The following NSUN7 variants were observed in gnomAD, a reference collection of about 807,000 sequenced individuals.
NSUN7 encodes protein NSUN7.
NSUN7 carries 39 observed loss-of-function variants against 58.5 expected under a neutral mutation model. That is an observed-to-expected ratio of 0.67 (90% CI 0.52 to 0.87). NSUN7 has a LOEUF of 0.87. NSUN7 is among the 40% of genes least tolerant of loss of function. NSUN7 has a pLI of 0.00. For missense variants in NSUN7, 765 were observed against 844.1 expected (o/e 0.91, Z 1.16); for synonymous variants, 278 against 303.7 (o/e 0.92, Z 0.88).
Position 40,809,184 on chromosome 4 carries a change from A to G in NSUN7, c.*245A>G. 1 of 403,850 alleles carries G rather than the reference A, an allele frequency of 2.5e-6. No homozygotes were observed. The highest frequency in any genetic ancestry group is 5.6e-5 in the South Asian group (1 of 17,746). 25.0% of individuals were successfully genotyped at this position (403,850 alleles called of 1,614,324 possible). ...TCTGAGAGGATCCAGTTAGAGACTC[A>G]GTATCAGCGGTCAGAACTTATCTCA... On this transcript the variant is annotated 3_prime_UTR_variant, in exon 12 of 12. Transcript: ENST00000381782.
At chr4:40,784,448 G>T (rs1742715839) in intron 7 of NSUN7, among the ~76,000 whole-genome samples, 1 of 152,170 alleles carries the variant, frequency 6.6e-6, no homozygotes, top group Non-Finnish European at 1.5e-5. Flanking sequence ...CCATAAAAAA[G>T]AATGAAATCC....
rs758810028 is a variant in NSUN7 at position 40,750,734 on chromosome 4, A to G, written c.41A>G (p.Glu14Gly). 6.2e-7 allele frequency: 1 copy of G among 1,613,854 alleles called. No homozygotes were observed. Among genetic ancestry groups the G allele is most frequent in the Admixed American group, 1.7e-5 (1 of 59,996 alleles). ...GGCGAACTGGAGTTTTCGAACGAAG[A>G]AGATCCCGAGATCATCTCCCAACTC... ...STGELEFSNE[E>G]DPEIISQLTS... The change falls in exon 2 of 12, where the codon GAA becomes GGA. Residue 14 changes from glutamate (E) to glycine (G), a missense_variant. Glu to Gly is a moderately conservative substitution (Grantham distance 98). Transcript: ENST00000381782.
In NSUN7 at chr4:40,754,581, CA is replaced by C. The variant is rs58194864; in HGVS notation, c.298+3592del. Among the ~76,000 whole-genome samples the C allele has an allele frequency of 3.2e-3, 493 of 152,218 alleles. 3 individuals are homozygous for C. Among genetic ancestry groups the C allele is most frequent in the African/African-American group, 0.012 (478 of 41,546 alleles). ...ACATCTGGCTTATACAGTATAAGTT[CA>C]AGGAATAATGATTCAGAAAAGAAAA... On this transcript the variant is annotated intron_variant, in intron 2 of 11. Coordinates refer to ENST00000381782, the MANE Select transcript of NSUN7 (RefSeq NM_024677.6).
intron 7 of NSUN7, among the ~76,000 whole-genome samples, chr4:40,787,667 T>C (rs1345674443): frequency 6.6e-6 from 1 of 152,040 alleles, no homozygotes; most frequent in Non-Finnish European, 1.5e-5. Flanking sequence ...TAATAGAAAA[T>C]CTTCCCACCC....
In NSUN7 at chr4:40,750,719, A is replaced by G. The variant is rs144613729; in HGVS notation, c.26A>G (p.Glu9Gly). 3.7e-6 allele frequency: 6 copies of G among 1,613,602 alleles called. No individual in the cohort carries two copies. Among genetic ancestry groups the G allele is most frequent in the Non-Finnish European group, 5.1e-6 (6 of 1,179,774 alleles). Residue 9 changes from glutamate (E) to glycine (G), a missense_variant, in exon 2 of 12, where the codon GAG (glutamate) becomes GGG (glycine). Physicochemically the swap from Glu to Gly is moderately conservative, Grantham distance 98. Coordinates refer to ENST00000381782, the MANE Select transcript of NSUN7 (RefSeq NM_024677.6). ...ATGCTGAATTCCACGGGCGAACTGG[A>G]GTTTTCGAACGAAGAAGATCCCGAG... is the stretch of plus-strand genomic sequence containing the variant. MLNSTGEL[E>G]FSNEEDPEII...
intron 11 of NSUN7, among the ~76,000 whole-genome samples, chr4:40,808,029 CAAA>C (rs397878278): frequency 0.014 from 857 of 60,134 alleles, 8 homozygotes; most frequent in African/African-American, 0.049. Flanking sequence ...GACTCCATCT[CAAA>C]AAAAAAAAAA....
chr4:40,808,447 T>A lies in NSUN7; in HGVS notation c.1665T>A (p.Gly555=). The A allele has an allele frequency of 6.2e-7, 1 of 1,603,600 alleles. No individual in the cohort carries two copies. The highest frequency in any genetic ancestry group is 8.5e-7 in the Non-Finnish European group (1 of 1,173,448). Reference sequence around the variant, plus strand: ...AATCAAAAACATCATTGACAAAAGGTGCCACTACTGATAATGGCATCCAAA... The same window carrying A: ...AATCAAAAACATCATTGACAAAAGGAGCCACTACTGATAATGGCATCCAAA... ...KKKSKTSLTK[G]ATTDNGIQMK... Residue 555 remains glycine, a synonymous_variant, in exon 12 of 12, where the codon GGT becomes GGA. Coordinates refer to ENST00000381782, the MANE Select transcript of NSUN7 (RefSeq NM_024677.6).
At chr4:40,764,946 ATTTG>A (rs1741643890) in intron 4 of NSUN7, among the ~76,000 whole-genome samples, 1 of 150,438 alleles carries the variant, frequency 6.6e-6, no homozygotes, top group African/African-American at 2.4e-5. Flanking sequence ...TTTCTTGTAA[ATTTG>A]TTTGAGTTCA....
chr4:40,789,348 A>G (rs116000213), intron 7 of NSUN7, among the ~76,000 whole-genome samples: 1,861 of 152,336 alleles, frequency 0.012, 17 homozygotes, highest in Non-Finnish European at 0.021. Context: ...AAAGAAATGT[A>G]AAGTAAGACT....
At chr4:40,798,184 G>A (rs562729761) in intron 9 of NSUN7, among the ~76,000 whole-genome samples, 1 of 152,220 alleles carries the variant, frequency 6.6e-6, no homozygotes, top group East Asian at 1.9e-4. Flanking sequence ...CTGTCTTACT[G>A]TCTTTCTCCT....
intron 7 of NSUN7, among the ~76,000 whole-genome samples, chr4:40,789,224 T>G (rs1742970838): frequency 6.6e-6 from 1 of 152,180 alleles, no homozygotes; most frequent in Non-Finnish European, 1.5e-5. Context: ...CATGTTAAAC[T>G]GCATTCTAGG....
At position 40,786,136 on chromosome 4, in the gene NSUN7, A is replaced by G; in HGVS notation, c.1037-4466A>G. On this transcript the variant is annotated intron_variant, in intron 7 of 11. Transcript: ENST00000381782. ...AATGGGGAATGGGCTATCAGACCAG[A>G]CTTCTATCCTGTCCAACCTGCCTTC... 3 of 1,589,376 alleles carry G rather than the reference A, an allele frequency of 1.9e-6. No individual in the cohort carries two copies. The South Asian group carries it at 3.4e-5, about 18-fold the overall frequency.
At position 40,776,190 on chromosome 4, in the gene NSUN7, G is replaced by T. The variant is rs1469536429; in HGVS notation, c.967G>T (p.Val323Leu). Residue 323 changes from valine to leucine, a missense_variant, in exon 7 of 12, where the codon GTG (valine) becomes TTG (leucine). By Grantham distance (32) the Val-to-Leu change is conservative (BLOSUM62 1). Transcript: ENST00000381782. The stretch of plus-strand genomic sequence containing the variant: ...AAATAATAATACCTCAAAAGTATTT[G>T]TGTGTGGAGTACAATCACAAGCTAA... ...LTNNNTSKVFVCGVQSQAKDP... is the reference protein window; with the variant it reads ...LTNNNTSKVFLCGVQSQAKDP... The T allele has an allele frequency of 6.2e-7, 1 of 1,612,526 alleles. No homozygotes were observed.
At chr4:40,770,172 T>C (rs1054312699) in intron 4 of NSUN7, among the ~76,000 whole-genome samples, 2 of 140,490 alleles carry the variant, frequency 1.4e-5, no homozygotes, top group African/African-American at 2.7e-5. Context: ...ATCATGCCAC[T>C]GCACTGCAGC....
Position 40,811,134 on chromosome 4 carries a change from T to C in NSUN7, c.*2195T>C, listed in dbSNP as rs948982546. 2 of 152,274 alleles carry C rather than the reference T, an allele frequency of 1.3e-5. No homozygotes were observed. The highest frequency in any genetic ancestry group is 2.9e-5 in the Non-Finnish European group (2 of 68,046). 9.4% of individuals were successfully genotyped at this position (152,274 alleles called of 1,614,324 possible). On this transcript the variant is annotated 3_prime_UTR_variant, in exon 12 of 12. Transcript: ENST00000381782. The stretch of plus-strand genomic sequence containing the variant: ...ACATGCATTTGGCACTAAATTATTT[T>C]TCTCTTTAGAAGTATATGAAGATTC...
At chr4:40,759,764 G>C (rs1170900842) in intron 2 of NSUN7, among the ~76,000 whole-genome samples, 1 of 152,166 alleles carries the variant, frequency 6.6e-6, no homozygotes, top group Non-Finnish European at 1.5e-5. Context: ...TTAGCAGCCG[G>C]GTATGGTGGC....
chr4:40,758,786 G>C (rs1416424051), intron 2 of NSUN7, among the ~76,000 whole-genome samples: 3 of 152,182 alleles, frequency 2.0e-5, no homozygotes, highest in African/African-American at 7.2e-5. Context: ...TTGGGAGACT[G>C]AGGCAGGAGG....
intron 7 of NSUN7, among the ~76,000 whole-genome samples, chr4:40,783,323 T>C (rs1742663351): frequency 6.6e-6 from 1 of 152,204 alleles, no homozygotes; most frequent in African/African-American, 2.4e-5. Flanking sequence ...TGGAAAAGAA[T>C]AAAATTGGAT....
chr4:40,762,190 G>A (rs1166839389), intron 4 of NSUN7, among the ~76,000 whole-genome samples: 1 of 152,188 alleles, frequency 6.6e-6, no homozygotes, highest in Non-Finnish European at 1.5e-5. Flanking sequence ...AGAACTGTGA[G>A]AAAATAAACT....
Sources: allele counts gnomAD v4.1 joint callset (sites outside exome capture counted in the v4.1 genomes callset), GRCh38; gene constraint gnomAD v4.1.1; transcripts MANE v1.5; gene names NCBI Gene and HGNC (gene_info 2026-07-23, HGNC 2026-07-21).